Variants in ADGRA3 observed in about 807,000 individuals in gnomAD.
ADGRA3 encodes G-protein coupled receptor 125.
A neutral mutation model predicts 119.8 loss-of-function variants in ADGRA3; 56 were observed. That is an observed-to-expected ratio of 0.47 (90% CI 0.38 to 0.58). ADGRA3 has a LOEUF of 0.58. Among genes scored for constraint, ADGRA3 ranks in the 20% least tolerant of loss-of-function variants. ADGRA3 has a pLI of 0.00. For missense variants in ADGRA3, 1,516 were observed against 1,649.0 expected, an observed-to-expected ratio of 0.92 and a Z score of 1.40; for synonymous variants, 607 against 623.8, an observed-to-expected ratio of 0.97 and a Z score of 0.40.
intron 16 of ADGRA3, among the ~76,000 whole-genome samples, chr4:22,398,304 T>C (rs142256801): frequency 6.6e-6 from 1 of 152,290 alleles, no homozygotes; most frequent in African/African-American, 2.4e-5. Context: ...ACATTTTAAA[T>C]TGGATCTCAG....
chr4:22,490,407 C>T (rs1718582370), intron 1 of ADGRA3, among the ~76,000 whole-genome samples: 2 of 152,132 alleles, frequency 1.3e-5, no homozygotes, highest in Admixed American at 1.3e-4. Context: ...GCATTTTAAT[C>T]TAATTGAAAG....
At chr4:22,436,303 C>A in intron 9 of ADGRA3, 137 bp downstream of exon 9, 1 of 649,496 alleles carries the variant, frequency 1.5e-6, no homozygotes. Context: ...ATCCTGAAGA[C>A]AGTTAAGTCA....
chr4:22,479,830 G>A (rs1032236743), intron 1 of ADGRA3, among the ~76,000 whole-genome samples: 4 of 152,110 alleles, frequency 2.6e-5, no homozygotes, highest in Admixed American at 6.5e-5. Context: ...AAAGGATGAG[G>A]TCATGTCCTT....
intron 8 of ADGRA3, among the ~76,000 whole-genome samples, chr4:22,437,556 A>G (rs1438013149): frequency 6.6e-6 from 1 of 152,244 alleles, no homozygotes; most frequent in East Asian, 1.9e-4. Context: ...GATCAAGTAA[A>G]TAAGATATTT....
Position 22,445,268 on chromosome 4 carries a change from C to G in ADGRA3, c.546-135G>C, listed in dbSNP as rs1392201497. On this transcript the variant is annotated intron_variant, in intron 5 of 18. Coordinates refer to ENST00000334304, the MANE Select transcript of ADGRA3 (RefSeq NM_145290.4). ...CCATGCCTAAAGTACATTTCATCAA[C>G]TAGCTACAGTTTCTCTCCAAGGAGC... is the stretch of plus-strand genomic sequence containing the variant. 1.1e-5 allele frequency: 8 copies of G among 728,112 alleles called. No homozygotes were observed. In the African/African-American group the frequency reaches 1.2e-4, roughly 11 times the overall value. 45.1% of individuals were successfully genotyped at this position (728,112 alleles called of 1,614,324 possible).
Position 22,447,507 on chromosome 4 carries a change from G to T in ADGRA3, c.478C>A (p.Leu160Ile), listed in dbSNP as rs114895475. The T allele has an allele frequency of 3.5e-4, 551 of 1,557,824 alleles. No individual in the cohort carries two copies. In the African/African-American group the frequency reaches 6.0e-3, roughly 17 times the overall value. Residue 160 changes from leucine to isoleucine, a missense_variant, in exon 5 of 19, where the codon CTT (leucine) becomes ATT (isoleucine). Physicochemically the swap from Leu to Ile is conservative, Grantham distance 5. Coordinates refer to ENST00000334304, the MANE Select transcript of ADGRA3 (RefSeq NM_145290.4). ...RGLTNLVRLNLSGNLFSSLSQ... is the reference protein window; with the variant it reads ...RGLTNLVRLNISGNLFSSLSQ... ...AATGAAGAAAACAAATTCCCCGAAA[G>T]GTTTCTGAAAGACAGAAAACAATTT...
At chr4:22,419,947 GAT>G (rs1490765152) in intron 12 of ADGRA3, 1 of 152,554 alleles carries the variant, frequency 6.6e-6, no homozygotes, top group Non-Finnish European at 1.5e-5. Context: ...ACCTAGTTGA[GAT>G]TTTCTTGGGC....
At chr4:22,473,680 G>A (rs777570306) in intron 2 of ADGRA3, 92 bp downstream of exon 2, 31 of 702,804 alleles carry the variant, frequency 4.4e-5, no homozygotes, top group Non-Finnish European at 7.0e-5. Context: ...ATTTTGAATA[G>A]CTGGGAATTT....
intron 1 of ADGRA3, among the ~76,000 whole-genome samples, chr4:22,500,938 T>C (rs988345179): frequency 6.6e-6 from 1 of 152,182 alleles, no homozygotes; most frequent in Non-Finnish European, 1.5e-5. Context: ...AAATTCGCTC[T>C]GTGCTAGAGC....
chr4:22,405,652 G>C (rs767870858), intron 14 of ADGRA3, among the ~76,000 whole-genome samples: 76 of 151,960 alleles, frequency 5.0e-4, no homozygotes, highest in Non-Finnish European at 9.4e-4. Flanking sequence ...TTGAAACAGA[G>C]GGCAACAATG....
chr4:22,440,601 A>C (rs185511234), intron 7 of ADGRA3, among the ~76,000 whole-genome samples: 1 of 152,264 alleles, frequency 6.6e-6, no homozygotes, highest in Admixed American at 6.5e-5. Context: ...CTTTTTTTGC[A>C]TTGCTAAACA....
intron 2 of ADGRA3, among the ~76,000 whole-genome samples, chr4:22,467,987 C>A (rs952513136): frequency 6.6e-6 from 1 of 152,072 alleles, no homozygotes; most frequent in African/African-American, 2.4e-5. Context: ...GTATCAGAAC[C>A]CTCAACTCAA....
At chr4:22,417,284 G>C (rs1715464853) in intron 12 of ADGRA3, among the ~76,000 whole-genome samples, 1 of 152,094 alleles carries the variant, frequency 6.6e-6, no homozygotes, top group Admixed American at 6.6e-5. Context: ...TAGTTACTCT[G>C]GGCTTGGAAC....
At chr4:22,454,419 G>T (rs1304311266) in intron 4 of ADGRA3, among the ~76,000 whole-genome samples, 1 of 152,186 alleles carries the variant, frequency 6.6e-6, no homozygotes, top group Non-Finnish European at 1.5e-5. Flanking sequence ...AAGGCCACCA[G>T]CCTTCCCCTT....
At chr4:22,392,877 C>T (rs1002147939) in intron 16 of ADGRA3, 187 bp from the exon 17 acceptor site, 4 of 536,410 alleles carry the variant, frequency 7.5e-6, no homozygotes, top group African/African-American at 1.9e-5. Context: ...TCACAATCCT[C>T]AAATACACAA....
rs1577316408 is a variant in ADGRA3 at position 22,388,609 on chromosome 4, T to G, written c.3062A>C (p.Tyr1021Ser). ...MFGALAVSLY[Y>S]PLDLVFSFVF... ...GAAGCTAAAAACCAAGTCCAAAGGG[T>G]AATACAAAGAAACAGCCAAAGCCCC... The change falls in exon 19 of 19, where the codon TAC becomes TCC. Residue 1021 changes from tyrosine to serine, a missense_variant. Coordinates refer to ENST00000334304, the MANE Select transcript of ADGRA3 (RefSeq NM_145290.4). 1 of 1,613,808 alleles carries G rather than the reference T, an allele frequency of 6.2e-7. No homozygotes were observed. Among genetic ancestry groups the G allele is most frequent in the South Asian group, 1.1e-5 (1 of 91,068 alleles).
chr4:22,491,893 A>C (rs1718634955), intron 1 of ADGRA3, among the ~76,000 whole-genome samples: 1 of 152,206 alleles, frequency 6.6e-6, no homozygotes, highest in Non-Finnish European at 1.5e-5. Context: ...AACTATGAGA[A>C]GAACGGATTT....
At position 22,478,543 on chromosome 4, in the gene ADGRA3, C is replaced by T. The variant is rs1309719218; in HGVS notation, c.258-4700G>A. Among the ~76,000 whole-genome samples the T allele has an allele frequency of 2.0e-5, 3 of 152,236 alleles. No homozygotes were observed. In the East Asian group the frequency reaches 5.8e-4, roughly 29 times the overall value. Reference sequence around the variant, plus strand: ...CCATTGTAGGGAAAAATCAGATAAACAATCAAATAGGGTTATTGTGGCAGG... The same window carrying T: ...CCATTGTAGGGAAAAATCAGATAAATAATCAAATAGGGTTATTGTGGCAGG... On this transcript the variant is annotated intron_variant, in intron 1 of 18. Transcript: ENST00000334304.
At chr4:22,407,202 C>T (rs752007630) in intron 14 of ADGRA3, among the ~76,000 whole-genome samples, 2 of 152,088 alleles carry the variant, frequency 1.3e-5, no homozygotes, top group South Asian at 2.1e-4. Flanking sequence ...ACCTGGAAGG[C>T]GGAGCTTGCA....
Sources: allele counts gnomAD v4.1 joint callset (sites outside exome capture counted in the v4.1 genomes callset), GRCh38; gene constraint gnomAD v4.1.1; transcripts MANE v1.5; gene names NCBI Gene and HGNC (gene_info 2026-07-23, HGNC 2026-07-21).